NBEAL1: variants seen among roughly 807,000 people sequenced by gnomAD.
NBEAL1 encodes the protein neurobeachin like 1, also known as neurobeachin-like protein 1.
NBEAL1 carries 273 observed loss-of-function variants against 351.3 expected under a neutral mutation model. The ratio of observed to expected loss-of-function variants is 0.78; its 90% confidence interval spans 0.70 to 0.86. NBEAL1 has a LOEUF of 0.86. NBEAL1 is among the 40% of genes least tolerant of loss of function. The pLI is 0.00. For missense variants in NBEAL1, 2,961 were observed against 3,201.3 expected, an observed-to-expected ratio of 0.92 and a Z score of 1.81; for synonymous variants, 1,050 against 1,086.4, an observed-to-expected ratio of 0.97 and a Z score of 0.66.
At chr2:203,216,493 C>T (rs1348670140) in intron 55 of NBEAL1, among the ~76,000 whole-genome samples, 1 of 152,026 alleles carries the variant, frequency 6.6e-6, no homozygotes, top group Admixed American at 6.6e-5. Flanking sequence ...CCTGTAATCC[C>T]AGCACTTTGG....
At chr2:203,092,520 G>A (rs1036481303) in intron 10 of NBEAL1, among the ~76,000 whole-genome samples, 15 of 151,966 alleles carry the variant, frequency 9.9e-5, no homozygotes, top group African/African-American at 2.2e-4. Context: ...AGCTGAGATC[G>A]TGCCACTGCA....
At chr2:203,193,958 G>T in intron 47 of NBEAL1, 47 bp downstream of exon 47, 1 of 1,090,544 alleles carries the variant, frequency 9.2e-7, no homozygotes, top group Non-Finnish European at 1.4e-6. Context: ...TCTAAATTCT[G>T]TACATTTTAA....
chr2:203,034,394 C>T (rs1392009896), intron 2 of NBEAL1, among the ~76,000 whole-genome samples: 1 of 136,444 alleles, frequency 7.3e-6, no homozygotes, highest in Admixed American at 7.4e-5. Context: ...CCTGACCTTG[C>T]GATCCGCCCA....
intron 12 of NBEAL1, among the ~76,000 whole-genome samples, chr2:203,107,007 T>G (rs1437102092): frequency 6.6e-6 from 1 of 152,198 alleles, no homozygotes; most frequent in Non-Finnish European, 1.5e-5. Context: ...ACTCTTTAAT[T>G]GGGTCTTTTT....
At chr2:203,139,238 G>A (rs1339118817) in intron 31 of NBEAL1, among the ~76,000 whole-genome samples, 1 of 151,806 alleles carries the variant, frequency 6.6e-6, no homozygotes, top group Non-Finnish European at 1.5e-5. Flanking sequence ...TAGATATGAA[G>A]ATAAATATTG....
In NBEAL1 at chr2:203,224,753, T is replaced by C. The variant is rs1445714917; in HGVS notation, c.*7399T>C. On this transcript the variant is annotated 3_prime_UTR_variant, in exon 56 of 56. Transcript: ENST00000683969. ...TGAAAAAGAAAATATTATGCCTTAT[T>C]TATATCTAATTATTGACTGTGCAAA... Among the ~76,000 whole-genome samples the C allele has an allele frequency of 6.6e-6, 1 of 152,292 alleles. No homozygotes were observed. The highest frequency in any genetic ancestry group is 6.5e-5 in the Admixed American group (1 of 15,292).
chr2:203,075,643 A>G (rs1425698700), intron 7 of NBEAL1, among the ~76,000 whole-genome samples: 1 of 152,176 alleles, frequency 6.6e-6, no homozygotes, highest in Non-Finnish European at 1.5e-5. Flanking sequence ...CTGCTTTACA[A>G]ATTCCAGTTG....
At chr2:203,131,780 A>G (rs1053113174) in intron 25 of NBEAL1, among the ~76,000 whole-genome samples, 193 bp from the exon 26 acceptor site, 4 of 152,214 alleles carry the variant, frequency 2.6e-5, no homozygotes, top group African/African-American at 9.6e-5. Flanking sequence ...GTTTTATTCT[A>G]TAAGTTAATA....
chr2:203,216,009 T>TAAAAAAAATA (rs2065889250), intron 55 of NBEAL1, among the ~76,000 whole-genome samples: 1 of 125,536 alleles, frequency 8.0e-6, no homozygotes. Context: ...AAACCCTGTC[T>TAAAAAAAATA]AAAAAAAAAA....
rs1445115604 is a variant in NBEAL1, at chr2:203,049,866, G to A, written c.196G>A (p.Val66Ile). ...TCTGCTTCCTGATAATATTCTGCAG[G>A]TTCTGAGGATCCAGCTTCTACAGTG... ...ISLLPDNILQ[V>I]LRIQLLQCVQ... Residue 66 changes from valine to isoleucine, a missense_variant, in exon 4 of 56, where the codon GTT (valine) becomes ATT (isoleucine). Transcript: ENST00000683969. The A allele has an allele frequency of 2.6e-6, 4 of 1,556,044 alleles. No individual in the cohort carries two copies. In the Admixed American group the frequency reaches 5.9e-5, roughly 23 times the overall value.
intron 2 of NBEAL1, among the ~76,000 whole-genome samples, chr2:203,022,712 T>A: frequency 6.6e-6 from 1 of 152,198 alleles, no homozygotes; most frequent in African/African-American, 2.4e-5. Flanking sequence ...GCCCTTGTAT[T>A]AATATAATAA....
Position 203,157,691 on chromosome 2 carries a change from TA to T in NBEAL1, c.5588-4del. The T allele has an allele frequency of 6.4e-7, 1 of 1,565,358 alleles. No homozygotes were observed. Among genetic ancestry groups the T allele is most frequent in the South Asian group, 1.2e-5 (1 of 81,458 alleles). ...TTATGTTTAATAGATATTTTGTGTTTAAAACAGGTATCCAACACTCACAGCC... is the reference window on the plus strand; with the variant it reads ...TTATGTTTAATAGATATTTTGTGTTTAAACAGGTATCCAACACTCACAGCC... On this transcript the variant is annotated splice_region_variant and splice_polypyrimidine_tract_variant and intron_variant, in intron 35 of 55. Transcript: ENST00000683969.
Position 203,133,135 on chromosome 2 carries a change from A to G in NBEAL1, c.3802A>G (p.Ile1268Val), listed in dbSNP as rs573346429. ...AGCACATATAAATGTTAGAGTGGCC[A>G]TCTGCAGAAAGGTCAGTAAACTCTT... ...HRAHINVRVA[I>V]CRKVLQILQF... Residue 1268 changes from isoleucine to valine, a missense_variant, in exon 27 of 56, where the codon ATC (isoleucine) becomes GTC (valine). Transcript: ENST00000683969. The G allele has an allele frequency of 1.2e-4, 180 of 1,469,706 alleles. No individual in the cohort carries two copies. In the South Asian group the frequency reaches 2.1e-3, roughly 17 times the overall value. 91.0% of individuals were successfully genotyped at this position (1,469,706 alleles called of 1,614,324 possible). A position where few individuals can be genotyped will look rare whatever the true frequency, so the allele number is the denominator to read the frequency against.
At chr2:203,047,028 G>A (rs965206570) in intron 3 of NBEAL1, among the ~76,000 whole-genome samples, 6 of 152,130 alleles carry the variant, frequency 3.9e-5, no homozygotes, top group African/African-American at 1.4e-4. Flanking sequence ...TACAAAATTA[G>A]TGGGCGTGGT....
rs1398457674 is a variant in NBEAL1, at chr2:203,126,874, C to T, written c.3196C>T (p.Arg1066Ter). 5.2e-6 allele frequency: 8 copies of T among 1,552,598 alleles called. No homozygotes were observed. The Admixed American group carries it at 1.2e-4, about 23-fold the overall frequency. Residue 1066 changes from arginine (R) to a stop codon, truncating the protein, a stop_gained, in exon 23 of 56, where the codon CGA (arginine) becomes TGA (stop). Coordinates refer to ENST00000683969, the MANE Select transcript of NBEAL1 (RefSeq NM_001378026.1). LOFTEE classifies it high-confidence loss of function. ...TIIKDSRRVF[R>*]KKYGVQFLLD... Reference sequence around the variant, plus strand: ...CATTAAAGACAGCAGGAGAGTTTTCCGAAAGAAGTATGGTGTGCAGTTTCT... The same window carrying T: ...CATTAAAGACAGCAGGAGAGTTTTCTGAAAGAAGTATGGTGTGCAGTTTCT...
chr2:203,164,163 T>A (rs2064056926), intron 36 of NBEAL1, among the ~76,000 whole-genome samples: 2 of 151,914 alleles, frequency 1.3e-5, no homozygotes, highest in Middle Eastern at 3.4e-3. Context: ...TTTTGGCATG[T>A]CAAATAAAAC....
chr2:203,076,740 C>T (rs12993575), intron 7 of NBEAL1, among the ~76,000 whole-genome samples: 3,113 of 151,412 alleles, frequency 0.021, 39 homozygotes, highest in Non-Finnish European at 0.029. Context: ...TACAGGTGCC[C>T]GCCACCACAC....
intron 41 of NBEAL1, among the ~76,000 whole-genome samples, chr2:203,174,759 C>A (rs1384096338): frequency 6.6e-6 from 1 of 151,762 alleles, no homozygotes; most frequent in Non-Finnish European, 1.5e-5. Context: ...GGCGTGGTGG[C>A]AGGCACCTGT....
At chr2:203,128,407 C>T (rs1369664079) in intron 24 of NBEAL1, among the ~76,000 whole-genome samples, 1 of 151,452 alleles carries the variant, frequency 6.6e-6, no homozygotes, top group Non-Finnish European at 1.5e-5. Context: ...CACGCCAGGC[C>T]AGAAGTAAAT....
Sources: gnomAD v4.1 joint callset for allele counts (sites outside exome capture counted in the v4.1 genomes callset) on GRCh38, gnomAD v4.1.1 for gene constraint, MANE v1.5 for transcripts, NCBI Gene and HGNC (gene_info 2026-07-23, HGNC 2026-07-21) for gene names.